Variants in KTN1 observed in about 807,000 individuals in gnomAD.
KTN1 encodes kinectin 1.
In KTN1, 130 loss-of-function variants were observed where a neutral mutation model predicts 222.5. That is an observed-to-expected ratio of 0.58 (90% CI 0.51 to 0.68). The LOEUF is 0.68. KTN1 is among the 30% of genes least tolerant of loss of function. The probability of loss-of-function intolerance (pLI) is 0.00; values close to 1 mark genes in which losing one functional copy is unlikely to be tolerated. For missense variants in KTN1, 1,508 were observed against 1,500.4 expected (o/e 1.01, Z -0.08); for synonymous variants, 512 against 496.3 (o/e 1.03, Z -0.42).
intron 34 of KTN1, among the ~76,000 whole-genome samples, chr14:55,669,121 T>C (rs1326820882): frequency 6.6e-6 from 1 of 152,072 alleles, no homozygotes; most frequent in Non-Finnish European, 1.5e-5. Flanking sequence ...TTTATGGAAA[T>C]AATACTGGGG....
Position 55,671,875 on chromosome 14 carries a change from CA to C in KTN1, c.3530del (p.Gln1177ArgfsTer13). ...CGATGAATCACACAAGACTATTAAACAGGTATTTACAAAAGAAAAGCTTAGA... is the reference window on the plus strand; with the variant it reads ...CGATGAATCACACAAGACTATTAAACGGTATTTACAAAAGAAAAGCTTAGA... The part of the protein sequence containing the change: ...KVDESHKTIK[Q>X]MQSSFTSSEQ... On this transcript the variant is annotated frameshift_variant and splice_region_variant, in exon 37 of 44. Transcript: ENST00000395314. LOFTEE classifies it high-confidence loss of function. 1 of 1,546,348 alleles carries C rather than the reference CA, an allele frequency of 6.5e-7. No individual in the cohort carries two copies. Among genetic ancestry groups the C allele is most frequent in the Non-Finnish European group, 8.9e-7 (1 of 1,119,058 alleles).
At chr14:55,674,726 A>AT (rs894036558) in intron 40 of KTN1, 2 of 151,964 alleles carry the variant, frequency 1.3e-5, no homozygotes, top group African/African-American at 4.8e-5. Flanking sequence ...CTTTATTTTG[A>AT]TTTTTTATCC....
intron 5 of KTN1, among the ~76,000 whole-genome samples, chr14:55,621,034 C>T (rs915522170): frequency 9.9e-5 from 15 of 152,168 alleles, no homozygotes; most frequent in African/African-American, 1.4e-4. Context: ...AAATTTCTTC[C>T]GCCAGAGACC....
chr14:55,597,767 T>C (rs2035293701), intron 1 of KTN1, among the ~76,000 whole-genome samples: 1 of 151,732 alleles, frequency 6.6e-6, no homozygotes, highest in South Asian at 2.1e-4. Context: ...GGCCAGAGAA[T>C]CATTTGAGCC....
intron 6 of KTN1, among the ~76,000 whole-genome samples, chr14:55,629,596 A>G (rs2040282560): frequency 6.6e-6 from 1 of 152,080 alleles, no homozygotes; most frequent in African/African-American, 2.4e-5. Context: ...GAGAACGTGT[A>G]CCTGGGAATG....
intron 31 of KTN1, among the ~76,000 whole-genome samples, chr14:55,660,612 C>G (rs1308061859): frequency 6.6e-6 from 1 of 151,778 alleles, no homozygotes; most frequent in African/African-American, 2.4e-5. Flanking sequence ...GGTTGGTTTA[C>G]AGAGTTGCTT....
intron 9 of KTN1, among the ~76,000 whole-genome samples, chr14:55,635,232 T>A (rs1013366674): frequency 6.6e-6 from 1 of 152,176 alleles, no homozygotes; most frequent in Non-Finnish European, 1.5e-5. Context: ...GAATTTGAAG[T>A]TAAAGACCGT....
In KTN1 at chr14:55,589,762, G is replaced by T. The variant is rs189542839; in HGVS notation, c.-31+9408G>T. 2.8e-4 allele frequency among the ~76,000 whole-genome samples: 41 copies of T among 145,044 alleles called. No individual in the cohort carries two copies. The East Asian group carries it at 8.4e-3, about 30-fold the overall frequency. ...CAACCTCCGCCTCCCAGGTTCAAGTGATTCTCCTGCCTCAACCTCTTGAGT... is the reference window on the plus strand; with the variant it reads ...CAACCTCCGCCTCCCAGGTTCAAGTTATTCTCCTGCCTCAACCTCTTGAGT... On this transcript the variant is annotated intron_variant, in intron 1 of 43. Transcript: ENST00000395314.
chr14:55,648,865 G>T lies in KTN1; in HGVS notation c.2362G>T (p.Asp788Tyr), dbSNP rs1269328910. 1 of 1,576,542 alleles carries T rather than the reference G, an allele frequency of 6.3e-7. No individual in the cohort carries two copies. The highest frequency in any genetic ancestry group is 8.7e-7 in the Non-Finnish European group (1 of 1,148,428). The change falls in exon 21 of 44, where the codon GAT becomes TAT. Residue 788 changes from aspartate (D) to tyrosine (Y), a missense_variant. Asp to Tyr is a radical substitution (Grantham distance 160, BLOSUM62 -3). Transcript: ENST00000395314. ...EVQDLKAKQNDQVSFASLVEE... is the reference protein window; with the variant it reads ...EVQDLKAKQNYQVSFASLVEE... The stretch of plus-strand genomic sequence containing the variant: ...TCAAGACTTAAAAGCTAAGCAAAAT[G>T]ATCAGGTAATGTAAATTTTTACAAC...
intron 1 of KTN1, among the ~76,000 whole-genome samples, chr14:55,608,112 T>G (rs577786178): frequency 1.3e-5 from 2 of 152,232 alleles, no homozygotes; most frequent in Admixed American, 1.3e-4. Flanking sequence ...AAATTAACTT[T>G]GTCTCAACCT....
chr14:55,620,208 T>G (rs1387511217), intron 5 of KTN1, among the ~76,000 whole-genome samples: 1 of 152,198 alleles, frequency 6.6e-6, no homozygotes, highest in Non-Finnish European at 1.5e-5. Flanking sequence ...CCCATGGTCT[T>G]GGGCAGCTCC....
intron 1 of KTN1, among the ~76,000 whole-genome samples, chr14:55,588,255 C>T (rs2033432265): frequency 6.6e-6 from 1 of 152,122 alleles, no homozygotes; most frequent in South Asian, 2.1e-4. Flanking sequence ...TGTGTATTTA[C>T]AATACTGTAC....
chr14:55,627,324 C>G (rs1235457422), intron 5 of KTN1, among the ~76,000 whole-genome samples: 1 of 152,094 alleles, frequency 6.6e-6, no homozygotes, highest in African/African-American at 2.4e-5. Flanking sequence ...GAATATTTCA[C>G]TGATCAGTAT....
At chr14:55,655,440 A>C (rs74053649) in intron 28 of KTN1, among the ~76,000 whole-genome samples, 4 of 152,204 alleles carry the variant, frequency 2.6e-5, no homozygotes, top group Non-Finnish European at 4.4e-5. Context: ...GTTCAGCTCA[A>C]CGAATACTTG....
rs148189219 is a variant in KTN1 at position 55,650,629 on chromosome 14, G to C, written c.2557G>C (p.Ala853Pro). 4.4e-6 allele frequency: 7 copies of C among 1,607,330 alleles called. No individual in the cohort carries two copies. The highest frequency in any genetic ancestry group is 6.0e-6 in the Non-Finnish European group (7 of 1,174,304). Residue 853 changes from alanine to proline, a missense_variant, in exon 24 of 44, where the codon GCT (alanine) becomes CCT (proline). Ala to Pro is a conservative substitution (Grantham distance 27, BLOSUM62 -1). Transcript: ENST00000395314. Reference protein sequence around the residue: ...EEIGNVQLEKAQQLSITSKVQ... With the variant: ...EEIGNVQLEKPQQLSITSKVQ... ...AATAGGAAATGTCCAGCTTGAAAAG[G>C]CTCAACAGGTAAAAATCCCAGAGCC...
intron 2 of KTN1, among the ~76,000 whole-genome samples, chr14:55,615,871 T>TC (rs1248729313): frequency 9.9e-5 from 15 of 151,246 alleles, no homozygotes; most frequent in African/African-American, 3.2e-4. Flanking sequence ...TCTTTCTTCC[T>TC]TTTCTTCTTT....
chr14:55,667,452 T>G (rs1162191381), intron 34 of KTN1, 122 bp downstream of exon 34: 6 of 512,772 alleles, frequency 1.2e-5, no homozygotes, highest in Admixed American at 3.9e-5. Flanking sequence ...TTTCCTATTG[T>G]TAAGCTGGTG....
intron 36 of KTN1, 48 bp downstream of exon 36, chr14:55,671,703 A>G (rs377083096): frequency 1.3e-6 from 2 of 1,537,492 alleles, no homozygotes; most frequent in African/African-American, 2.7e-5. Context: ...TTAAATCATT[A>G]CCTTCTTCCT....
At position 55,672,622 on chromosome 14, in the gene KTN1, C is replaced by T. The variant is rs1287557182; in HGVS notation, c.3532-8C>T. ...TTTACTTGGCCATGTAATTGTTTCACATTTCAGATGCAGTCATCATTTACA... is the reference window on the plus strand; with the variant it reads ...TTTACTTGGCCATGTAATTGTTTCATATTTCAGATGCAGTCATCATTTACA... On this transcript the variant is annotated splice_region_variant and splice_polypyrimidine_tract_variant and intron_variant, in intron 37 of 43. Transcript: ENST00000395314. 4 of 1,586,472 alleles carry T rather than the reference C, an allele frequency of 2.5e-6. No individual in the cohort carries two copies. The highest frequency in any genetic ancestry group is 1.1e-5 in the South Asian group (1 of 90,140).
Sources: allele counts gnomAD v4.1 joint callset (sites outside exome capture counted in the v4.1 genomes callset), GRCh38; gene constraint gnomAD v4.1.1; transcripts MANE v1.5; gene names NCBI Gene and HGNC (gene_info 2026-07-23, HGNC 2026-07-21).